TUT4: variants seen among roughly 807,000 people sequenced by gnomAD.
The protein encoded by TUT4 is terminal uridylyl transferase 4, also known as terminal uridylyltransferase 4.
Under a neutral mutation model 192.2 loss-of-function variants are expected in TUT4, and 36 were observed. The observed-to-expected ratio is 0.19, with a 90% CI of 0.14 to 0.25. The LOEUF (loss-of-function observed/expected upper bound fraction) is 0.25, where lower values mean the gene tolerates loss of function less well. TUT4 is among the 10% of genes least tolerant of loss of function. TUT4 has a pLI of 1.00. For missense variants in TUT4, 1,493 were observed against 1,957.2 expected (o/e 0.76, Z 4.47); for synonymous variants, 618 against 666.0 (o/e 0.93, Z 1.11).
At chr1:52,518,835 T>A (rs1679408038) in intron 2 of TUT4, among the ~76,000 whole-genome samples, 1 of 152,182 alleles carries the variant, frequency 6.6e-6, no homozygotes, top group Non-Finnish European at 1.5e-5. Context: ...TAACTCTTAA[T>A]GGGCATGGGG....
chr1:52,530,956 T>C (rs1028046534), intron 1 of TUT4, among the ~76,000 whole-genome samples: 2 of 152,170 alleles, frequency 1.3e-5, no homozygotes, highest in East Asian at 1.9e-4. Flanking sequence ...TGACCTGAGA[T>C]AGCACCACTG....
At chr1:52,551,040 T>C (rs946749846) in intron 1 of TUT4, among the ~76,000 whole-genome samples, 3 of 152,176 alleles carry the variant, frequency 2.0e-5, no homozygotes, top group Non-Finnish European at 4.4e-5. Context: ...TCTTTGTTAA[T>C]CAGAGAAATT....
intron 1 of TUT4, among the ~76,000 whole-genome samples, chr1:52,550,509 T>TG (rs1372684915): frequency 4.6e-5 from 7 of 150,700 alleles, no homozygotes; most frequent in African/African-American, 1.7e-4. Context: ...TTTTTTTTTT[T>TG]TTTTTTTGTT....
chr1:52,442,991 TA>T (rs1370241597), intron 24 of TUT4, among the ~76,000 whole-genome samples: 2 of 152,150 alleles, frequency 1.3e-5, no homozygotes, highest in African/African-American at 2.4e-5. Flanking sequence ...AGCATTCTAC[TA>T]AAAAGTCTCG....
intron 1 of TUT4, among the ~76,000 whole-genome samples, chr1:52,530,683 G>A (rs960974716): frequency 2.0e-5 from 3 of 152,102 alleles, no homozygotes; most frequent in Non-Finnish European, 4.4e-5. Context: ...TAGAAACGAA[G>A]TTCTCTCGGA....
In TUT4 at chr1:52,526,282, AT is replaced by A; in HGVS notation, c.-3del. ...TTTTAAGGTTTTAGACTCTTCCATT[AT>A]TTGAAAATCTGTTTCTTTCCAATTG... On this transcript the variant is annotated 5_prime_UTR_variant, in exon 2 of 30. Transcript: ENST00000257177. The A allele has an allele frequency of 6.7e-7, 1 of 1,501,966 alleles. No homozygotes were observed. Among genetic ancestry groups the A allele is most frequent in the South Asian group, 1.4e-5 (1 of 71,930 alleles). 93.0% of individuals were successfully genotyped at this position (1,501,966 alleles called of 1,614,324 possible).
At chr1:52,456,675 G>A (rs1262413252) in intron 20 of TUT4, among the ~76,000 whole-genome samples, 1 of 151,954 alleles carries the variant, frequency 6.6e-6, no homozygotes, top group Non-Finnish European at 1.5e-5. Context: ...AAGATTAGTG[G>A]TTGCCAGGGG....
At chr1:52,497,303 AC>A in intron 4 of TUT4, 120 bp from the exon 5 acceptor site, 1 of 993,764 alleles carries the variant, frequency 1.0e-6, no homozygotes. Context: ...CCTTCCATCT[AC>A]CAGATACCTA....
At chr1:52,463,653 C>G in intron 16 of TUT4, 2 of 1,303,928 alleles carry the variant, frequency 1.5e-6, no homozygotes, top group Non-Finnish European at 2.0e-6. Flanking sequence ...TGGTAAAGGA[C>G]TGAACATCTA....
chr1:52,465,814 A>G (rs1007564830), intron 15 of TUT4, among the ~76,000 whole-genome samples: 2 of 152,230 alleles, frequency 1.3e-5, no homozygotes, highest in East Asian at 1.9e-4. Context: ...GTGTCATCCA[A>G]TAACAGCTAC....
intron 24 of TUT4, among the ~76,000 whole-genome samples, chr1:52,445,033 A>T (rs1233759089): frequency 2.7e-4 from 41 of 149,510 alleles, no homozygotes; most frequent in Admixed American, 2.7e-3. Context: ...ATATGTGTAT[A>T]TATATATGTG....
intron 7 of TUT4, among the ~76,000 whole-genome samples, chr1:52,491,087 G>A (rs1266364364): frequency 2.0e-5 from 3 of 152,136 alleles, no homozygotes; most frequent in East Asian, 1.9e-4. Flanking sequence ...CAAGTAAGTA[G>A]ATAATCTAGT....
intron 11 of TUT4, among the ~76,000 whole-genome samples, chr1:52,478,656 AC>A (rs1667707606): frequency 6.6e-6 from 1 of 152,192 alleles, no homozygotes; most frequent in Non-Finnish European, 1.5e-5. Flanking sequence ...AGACAATTTA[AC>A]AATTATAGTA....
intron 28 of TUT4, among the ~76,000 whole-genome samples, chr1:52,427,582 C>T (rs1353788455): frequency 1.3e-5 from 2 of 152,188 alleles, no homozygotes; most frequent in Non-Finnish European, 1.5e-5. Flanking sequence ...ACACAATAAA[C>T]ATGTTGAATG....
chr1:52,453,903 T>TA (rs1660136426), intron 20 of TUT4, among the ~76,000 whole-genome samples: 1 of 152,152 alleles, frequency 6.6e-6, no homozygotes, highest in Non-Finnish European at 1.5e-5. Context: ...AAGATTAATA[T>TA]AAAAAATTCA....
chr1:52,537,826 T>G (rs1685349180), intron 1 of TUT4, among the ~76,000 whole-genome samples: 2 of 152,016 alleles, frequency 1.3e-5, no homozygotes, highest in Non-Finnish European at 2.9e-5. Flanking sequence ...AGCAGGAAGA[T>G]CGCTTGAACC....
chr1:52,448,651 A>G (rs1658357258), intron 20 of TUT4, among the ~76,000 whole-genome samples: 1 of 151,916 alleles, frequency 6.6e-6, no homozygotes, highest in African/African-American at 2.4e-5. Flanking sequence ...AACAAAAGAC[A>G]TAGGATTTCT....
chr1:52,525,905 C>T lies in TUT4; in HGVS notation c.376G>A (p.Ala126Thr), dbSNP rs760983687. 7 of 1,614,074 alleles carry T rather than the reference C, an allele frequency of 4.3e-6. No homozygotes were observed. Among genetic ancestry groups the T allele is most frequent in the Non-Finnish European group, 5.9e-6 (7 of 1,180,002 alleles). ...AKSEKATSLQ[A>T]KAEKSPKSPN... is the part of the protein sequence containing the mutation. ...GACTTTGGTGATTTTTCTGCTTTTGCCTGTAAACTGGTTGCCTTTTCTGAT... is the reference window on the plus strand; with the variant it reads ...GACTTTGGTGATTTTTCTGCTTTTGTCTGTAAACTGGTTGCCTTTTCTGAT... Residue 126 changes from alanine (A) to threonine (T), a missense_variant, in exon 2 of 30, where the codon GCA becomes ACA. Physicochemically the swap from Ala to Thr is moderately conservative, Grantham distance 58. Around this residue, in one of 7 missense-constraint regions of TUT4, gnomAD observed 260 missense variants for 247.8 expected, o/e 1.05. Coordinates refer to ENST00000257177, the MANE Select transcript of TUT4 (RefSeq NM_001009881.3).
At chr1:52,446,116 A>T in intron 22 of TUT4, 112 bp from the exon 23 acceptor site, 2 of 1,309,000 alleles carry the variant, frequency 1.5e-6, no homozygotes, top group Non-Finnish European at 2.1e-6. Context: ...TATACAAATC[A>T]GCAAACTCTT....
Sources: allele counts gnomAD v4.1 joint callset (sites outside exome capture counted in the v4.1 genomes callset), GRCh38; gene constraint gnomAD v4.1.1; regional missense constraint gnomAD v4.1.1; transcripts MANE v1.5; gene names NCBI Gene and HGNC (gene_info 2026-07-23, HGNC 2026-07-21).